Variants in RGL3 observed in about 807,000 individuals in gnomAD.
RGL3 encodes ral guanine nucleotide dissociation stimulator like 3, also known as ral guanine nucleotide dissociation stimulator-like 3.
A neutral mutation model predicts 90.6 loss-of-function variants in RGL3; 85 were observed. The ratio of observed to expected loss-of-function variants is 0.94; its 90% CI spans 0.79 to 1.12. The LOEUF (loss-of-function observed/expected upper bound fraction) is 1.12. Among genes scored for constraint, RGL3 ranks in the 50% most tolerant of loss-of-function variants. The probability of loss-of-function intolerance (pLI) is 0.00; values close to 1 mark genes in which losing one functional copy is unlikely to be tolerated. For missense variants in RGL3, 1,034 were observed against 939.2 expected, an observed-to-expected ratio of 1.10 and a Z score of -1.32; for synonymous variants, 408 against 385.5, an observed-to-expected ratio of 1.06 and a Z score of -0.68.
intron 7 of RGL3, among the ~76,000 whole-genome samples, chr19:11,405,857 G>A (rs1285401770): frequency 1.3e-5 from 2 of 150,520 alleles, no homozygotes; most frequent in African/African-American, 2.4e-5. Flanking sequence ...CACCACACCC[G>A]GCTAATTTTT....
chr19:11,415,914 G>C (rs200515985), intron 5 of RGL3, 23 bp downstream of exon 5: 1 of 1,596,194 alleles, frequency 6.3e-7, no homozygotes, highest in Non-Finnish European at 8.5e-7. Flanking sequence ...CTCAGAACAC[G>C]ACTGGATCTG....
Position 11,414,231 on chromosome 19 carries a change from TTATATATATATATACCTTTA to T in RGL3, c.637+1686_637+1705del, listed in dbSNP as rs1968932046. 1.8e-4 allele frequency among the ~76,000 whole-genome samples: 13 copies of T among 72,456 alleles called. No individual in the cohort carries two copies. In the East Asian group the frequency reaches 2.7e-3, roughly 15 times the overall value. The allele number at this position is 72,456 out of a possible 152,430, so 47.5% of individuals were successfully genotyped here. On this transcript the variant is annotated intron_variant, in intron 5 of 18. Coordinates refer to ENST00000380456, the MANE Select transcript of RGL3 (RefSeq NM_001035223.4). ...TATATACCTTTATATATATATACCT[TTATATATATATATACCTTTA>T]TATATATACCTTTATATATATATAC... is the stretch of plus-strand genomic sequence containing the variant.
intron 16 of RGL3, among the ~76,000 whole-genome samples, chr19:11,398,426 A>T (rs1054132004): frequency 6.6e-6 from 1 of 151,810 alleles, no homozygotes; most frequent in Non-Finnish European, 1.5e-5. Context: ...GCTCACTGCA[A>T]CCTCTGCCTC....
chr19:11,417,154 T>G lies in RGL3; in HGVS notation c.148-95A>C, dbSNP rs149187446. ...TCATCACTAGCACCACTCTTTTTTTTTTTGTTTTTTTTTTTGAGACAGAGT... is the reference window on the plus strand; with the variant it reads ...TCATCACTAGCACCACTCTTTTTTTGTTTGTTTTTTTTTTTGAGACAGAGT... On this transcript the variant is annotated intron_variant, in intron 2 of 18. Coordinates refer to ENST00000380456, the MANE Select transcript of RGL3 (RefSeq NM_001035223.4). 1.6e-3 allele frequency: 1,611 copies of G among 988,538 alleles called. 24 individuals carry two copies. The African/African-American group carries it at 0.024, about 15-fold the overall frequency. 61.2% of individuals were successfully genotyped at this position (988,538 alleles called of 1,614,324 possible).
chr19:11,402,751 C>T, intron 9 of RGL3, 45 bp from the exon 10 acceptor site: 2 of 1,549,820 alleles, frequency 1.3e-6, no homozygotes, highest in Non-Finnish European at 1.8e-6. Context: ...TCTCCTTGGA[C>T]AATTCCTCAG....
At position 11,417,062 on chromosome 19, in the gene RGL3, G is replaced by A. The variant is rs1322127504; in HGVS notation, c.148-3C>T. On this transcript the variant is annotated splice_region_variant and splice_polypyrimidine_tract_variant and intron_variant, in intron 2 of 18. Coordinates refer to ENST00000380456, the MANE Select transcript of RGL3 (RefSeq NM_001035223.4). ...GTATTGGCAATGGGGCTGGGAGCCTGCAGGAGGGGAGAGGTGGCCATGAGA... is the reference window on the plus strand; with the variant it reads ...GTATTGGCAATGGGGCTGGGAGCCTACAGGAGGGGAGAGGTGGCCATGAGA... 5 of 1,588,454 alleles carry A rather than the reference G, an allele frequency of 3.1e-6. No individual in the cohort carries two copies. Among genetic ancestry groups the A allele is most frequent in the South Asian group, 1.2e-5 (1 of 86,368 alleles).
At chr19:11,398,820 G>A (rs981679938) in intron 16 of RGL3, among the ~76,000 whole-genome samples, 2 of 152,112 alleles carry the variant, frequency 1.3e-5, no homozygotes, top group South Asian at 2.1e-4. Flanking sequence ...ACAGGTGTGC[G>A]CGACCATACC....
intron 5 of RGL3, among the ~76,000 whole-genome samples, chr19:11,411,677 A>T (rs890617374): frequency 1.1e-4 from 16 of 152,190 alleles, no homozygotes; most frequent in Non-Finnish European, 2.1e-4. Flanking sequence ...GCTGGAGTAC[A>T]GTGGCATAAT....
At chr19:11,410,769 G>A (rs1251159094) in intron 5 of RGL3, among the ~76,000 whole-genome samples, 5 of 151,950 alleles carry the variant, frequency 3.3e-5, no homozygotes, top group Admixed American at 1.3e-4. Context: ...GCAATTATGG[G>A]GATAGAGAAA....
At chr19:11,414,194 CCTTT>C (rs1968928582) in intron 5 of RGL3, among the ~76,000 whole-genome samples, 2 of 30,594 alleles carry the variant, frequency 6.5e-5, no homozygotes, top group African/African-American at 3.0e-4. Flanking sequence ...TATATATATA[CCTTT>C]ATATATATAT....
Position 11,406,770 on chromosome 19 carries a change from C to T in RGL3, c.732G>A (p.Leu244=), listed in dbSNP as rs1226010844. 3 of 1,613,964 alleles carry T rather than the reference C, an allele frequency of 1.9e-6. No homozygotes were observed. The highest frequency in any genetic ancestry group is 1.3e-5 in the African/African-American group (1 of 74,942). ...CGGCCACCTCGTCCACGCTGAAGTC[C>T]AGGAGCTGGGGACCTTGAGGCATGA... ...EGLMPQGPQL[L]DFSVDEVAEQ... Residue 244 remains leucine, a synonymous_variant, in exon 6 of 19, where the codon CTG becomes CTA. Coordinates refer to ENST00000380456, the MANE Select transcript of RGL3 (RefSeq NM_001035223.4).
At position 11,405,856 on chromosome 19, in the gene RGL3, C is replaced by T. The variant is rs200493684; in HGVS notation, c.997-430G>A. On this transcript the variant is annotated intron_variant, in intron 7 of 18. Coordinates refer to ENST00000380456, the MANE Select transcript of RGL3 (RefSeq NM_001035223.4). The stretch of plus-strand genomic sequence containing the variant: ...GATTACAGGGGCACACCACCACACC[C>T]GGCTAATTTTTTTGTAAGTCTCATT... Among the ~76,000 whole-genome samples, 41 of 151,174 alleles carry T rather than the reference C, an allele frequency of 2.7e-4. No homozygotes were observed. The East Asian group carries it at 7.0e-3, about 26-fold the overall frequency.
At chr19:11,403,030 C>T (rs1968707831) in intron 9 of RGL3, among the ~76,000 whole-genome samples, 1 of 150,636 alleles carries the variant, frequency 6.6e-6, no homozygotes, top group Non-Finnish European at 1.5e-5. Context: ...ATAGCTTGAA[C>T]CTGAGAAGCA....
At chr19:11,413,252 C>T (rs1599441771) in intron 5 of RGL3, among the ~76,000 whole-genome samples, 2 of 141,538 alleles carry the variant, frequency 1.4e-5, no homozygotes, top group East Asian at 2.0e-4. Flanking sequence ...AAAAAAAAAG[C>T]GGGCCAGGCA....
intron 5 of RGL3, among the ~76,000 whole-genome samples, chr19:11,414,176 T>TATAC (rs1491114343): frequency 2.1e-4 from 16 of 75,000 alleles, no homozygotes; most frequent in East Asian, 1.6e-3. Context: ...TATATATATA[T>TATAC]ACACCTATAT....
intron 7 of RGL3, 95 bp downstream of exon 7, chr19:11,406,324 C>G: frequency 8.1e-7 from 1 of 1,235,104 alleles, no homozygotes; most frequent in Non-Finnish European, 1.1e-6. Context: ...TTCCCTCCCT[C>G]GCCTAGACTC....
chr19:11,414,758 C>T (rs1968964551), intron 5 of RGL3, among the ~76,000 whole-genome samples: 1 of 151,480 alleles, frequency 6.6e-6, no homozygotes, highest in Admixed American at 6.6e-5. Context: ...TTGTTCCTGC[C>T]CCTGGGGACA....
At position 11,397,282 on chromosome 19, in the gene RGL3, C is replaced by G. The variant is rs757266386; in HGVS notation, c.1976G>C (p.Cys659Ser). 3 of 1,613,890 alleles carry G rather than the reference C, an allele frequency of 1.9e-6. No homozygotes were observed. Among genetic ancestry groups the G allele is most frequent in the Non-Finnish European group, 2.5e-6 (3 of 1,179,950 alleles). The change falls in exon 18 of 19, where the codon TGT becomes TCT. Residue 659 changes from cysteine to serine, a missense_variant. By Grantham distance (112) the Cys-to-Ser change is moderately radical. Coordinates refer to ENST00000380456, the MANE Select transcript of RGL3 (RefSeq NM_001035223.4). ...AAGGACTTGAAAGAGCTGATAGTCA[C>G]AGGCCCAGGGCTGGGGCACATTGTG... is the stretch of plus-strand genomic sequence containing the variant. The part of the protein sequence containing the change: ...QKHNVPQPWA[C>S]DYQLFQVLPG...
At chr19:11,405,100 CCCG>C in intron 9 of RGL3, 44 bp downstream of exon 9, 1 of 1,543,826 alleles carries the variant, frequency 6.5e-7, no homozygotes. Flanking sequence ...AAGTCCCTCC[CCCG>C]ACTTCCCGGG....
Sources: gnomAD v4.1 joint callset for allele counts (sites outside exome capture counted in the v4.1 genomes callset) on GRCh38, gnomAD v4.1.1 for gene constraint, MANE v1.5 for transcripts, NCBI Gene and HGNC (gene_info 2026-07-23, HGNC 2026-07-21) for gene names.